PARPBP: variants seen among roughly 807,000 people sequenced by gnomAD.
PARPBP encodes the protein PCNA-interacting partner.
PARPBP carries 52 observed loss-of-function variants against 50.0 expected under a neutral mutation model. That is an observed-to-expected ratio of 1.04 (90% confidence interval 0.83 to 1.31). The LOEUF (loss-of-function observed/expected upper bound fraction) is 1.31. Among genes scored for constraint, PARPBP ranks in the 50% most tolerant of loss-of-function variants. The pLI, the probability that PARPBP is intolerant of heterozygous loss-of-function variation, is 0.00. For missense variants in PARPBP, 697 were observed against 672.0 expected (o/e 1.04, Z -0.41); for synonymous variants, 244 against 232.1 (o/e 1.05, Z -0.47).
chr12:102,153,336 C>G (rs566636746), intron 3 of PARPBP, among the ~76,000 whole-genome samples: 2 of 152,178 alleles, frequency 1.3e-5, no homozygotes, highest in Non-Finnish European at 2.9e-5. Context: ...GTGGCATGGC[C>G]AGCCTTGTGC....
At chr12:102,172,770 T>G (rs1186209634) in intron 6 of PARPBP, among the ~76,000 whole-genome samples, 2 of 152,240 alleles carry the variant, frequency 1.3e-5, no homozygotes, top group East Asian at 3.8e-4. Context: ...TTTTTTGTTC[T>G]TATAATTGGC....
chr12:102,154,168 G>T (rs116159844), intron 4 of PARPBP, among the ~76,000 whole-genome samples, 192 bp downstream of exon 4: 3,417 of 152,262 alleles, frequency 0.022, 114 homozygotes, highest in African/African-American at 0.067. Context: ...TTTATGGTTT[G>T]GGGCCAAGGT....
At chr12:102,179,714 GAT>G (rs35094914) in intron 8 of PARPBP, among the ~76,000 whole-genome samples, 1 of 151,908 alleles carries the variant, frequency 6.6e-6, no homozygotes, top group Non-Finnish European at 1.5e-5. Flanking sequence ...AAGGCATATA[GAT>G]ATATATATAT....
At chr12:102,193,874 T>A (rs1891025229) in intron 9 of PARPBP, among the ~76,000 whole-genome samples, 1 of 152,106 alleles carries the variant, frequency 6.6e-6, no homozygotes, top group East Asian at 1.9e-4. Context: ...GTTCAACTTT[T>A]AAAAAAATAG....
At chr12:102,141,936 A>G (rs1354407745) in intron 2 of PARPBP, among the ~76,000 whole-genome samples, 3 of 151,876 alleles carry the variant, frequency 2.0e-5, no homozygotes, top group East Asian at 3.9e-4. Flanking sequence ...CTTCAGTTCA[A>G]CTTTGGTGAA....
chr12:102,167,789 C>T (rs1413036805), intron 6 of PARPBP, among the ~76,000 whole-genome samples: 1 of 152,124 alleles, frequency 6.6e-6, no homozygotes, highest in African/African-American at 2.4e-5. Context: ...GGTCTGGAGC[C>T]TCTCATAGTT....
intron 3 of PARPBP, among the ~76,000 whole-genome samples, chr12:102,149,878 A>C (rs771164246): frequency 6.6e-6 from 1 of 152,224 alleles, no homozygotes; most frequent in Non-Finnish European, 1.5e-5. Context: ...GCTTGCTTAC[A>C]GAGATGATTT....
At chr12:102,152,490 A>G (rs972240891) in intron 3 of PARPBP, among the ~76,000 whole-genome samples, 2 of 152,192 alleles carry the variant, frequency 1.3e-5, no homozygotes, top group African/African-American at 4.8e-5. Context: ...GATGTTCTAC[A>G]TATGTGGTAA....
At chr12:102,122,221 TC>T (rs1242571804) in intron 1 of PARPBP, among the ~76,000 whole-genome samples, 4 of 152,140 alleles carry the variant, frequency 2.6e-5, no homozygotes, top group East Asian at 1.9e-4. Context: ...TTCTTCACTT[TC>T]TTTTTTCTTT....
At chr12:102,138,868 C>A (rs1172914364) in intron 2 of PARPBP, among the ~76,000 whole-genome samples, 1 of 152,174 alleles carries the variant, frequency 6.6e-6, no homozygotes, top group African/African-American at 2.4e-5. Context: ...GGTACCACTA[C>A]CATGCTGTTT....
At chr12:102,163,308 G>A (rs1156797820) in intron 4 of PARPBP, among the ~76,000 whole-genome samples, 2 of 152,010 alleles carry the variant, frequency 1.3e-5, no homozygotes, top group Non-Finnish European at 2.9e-5. Context: ...ATATCATCTG[G>A]CCTACATACT....
intron 5 of PARPBP, among the ~76,000 whole-genome samples, chr12:102,164,890 G>A (rs1036195013): frequency 1.3e-5 from 2 of 152,086 alleles, no homozygotes; most frequent in South Asian, 2.1e-4. Context: ...TCTGTTAAAT[G>A]TTCTTTGAAT....
At chr12:102,166,592 G>A (rs919404658) in intron 6 of PARPBP, among the ~76,000 whole-genome samples, 1 of 152,088 alleles carries the variant, frequency 6.6e-6, no homozygotes, top group African/African-American at 2.4e-5. Flanking sequence ...ACAACAACCT[G>A]ACTTGATAGA....
Position 102,151,833 on chromosome 12 carries a change from C to G in PARPBP, c.388-2036C>G, listed in dbSNP as rs754188430. ...AATGGGAAAGCCACCCGCTTCAGAA[C>G]ATTGAAGAAGCCACCTGGCACCAAC... On this transcript the variant is annotated intron_variant, in intron 3 of 10. Transcript: ENST00000327680. 26 of 1,478,178 alleles carry G rather than the reference C, an allele frequency of 1.8e-5. No individual in the cohort carries two copies. The South Asian group carries it at 2.9e-4, about 16-fold the overall frequency. 91.6% of individuals were successfully genotyped at this position (1,478,178 alleles called of 1,614,324 possible). A position where few individuals can be genotyped will look rare whatever the true frequency, so the allele number is the denominator to read the frequency against.
At chr12:102,132,218 A>G (rs1882975735) in intron 2 of PARPBP, among the ~76,000 whole-genome samples, 1 of 152,124 alleles carries the variant, frequency 6.6e-6, no homozygotes, top group African/African-American at 2.4e-5. Flanking sequence ...CTCAAAAAAA[A>G]AAAAAAAGAA....
At chr12:102,163,490 T>G (rs1480024804) in intron 4 of PARPBP, among the ~76,000 whole-genome samples, 3 of 152,200 alleles carry the variant, frequency 2.0e-5, no homozygotes, top group Non-Finnish European at 4.4e-5. Context: ...TTCTACTAAA[T>G]TTGGGATGCT....
chr12:102,149,494 G>A (rs753172631), intron 3 of PARPBP, among the ~76,000 whole-genome samples: 2 of 152,140 alleles, frequency 1.3e-5, no homozygotes, highest in Non-Finnish European at 2.9e-5. Context: ...CATTATATTG[G>A]TATTCCTTGT....
intron 1 of PARPBP, among the ~76,000 whole-genome samples, chr12:102,122,676 G>T (rs576860742): frequency 6.6e-6 from 1 of 152,334 alleles, no homozygotes; most frequent in Non-Finnish European, 1.5e-5. Context: ...AAAGGCTTTT[G>T]TGTGCATCAG....
chr12:102,183,013 T>C (rs1889982621), intron 9 of PARPBP, among the ~76,000 whole-genome samples: 1 of 152,198 alleles, frequency 6.6e-6, no homozygotes, highest in Non-Finnish European at 1.5e-5. Context: ...GAAGATATAA[T>C]GGCAGAATAT....
Sources: gnomAD v4.1 joint callset for allele counts (sites outside exome capture counted in the v4.1 genomes callset) on GRCh38, gnomAD v4.1.1 for gene constraint, MANE v1.5 for transcripts, NCBI Gene and HGNC (gene_info 2026-07-23, HGNC 2026-07-21) for gene names.